Variants in PRDM12 observed in about 807,000 individuals in gnomAD.
The protein encoded by PRDM12 is PR/SET domain 12.
PRDM12 carries 17 observed loss-of-function variants against 29.6 expected under a neutral mutation model. The observed-to-expected ratio is 0.57, with a 90% CI of 0.39 to 0.86. PRDM12 has a LOEUF of 0.86. PRDM12 is among the 40% of genes least tolerant of loss of function. The probability of loss-of-function intolerance (pLI) is 0.00; values close to 1 mark genes in which losing one functional copy is unlikely to be tolerated. For synonymous variants in PRDM12, 231 were observed against 225.8 expected (o/e 1.02, Z -0.21); for missense variants, 422 against 510.8 (o/e 0.83, Z 1.68).
intron 4 of PRDM12, among the ~76,000 whole-genome samples, chr9:130,680,659 A>ATATATATATATATATATTTTTT: frequency 6.9e-5 from 5 of 72,162 alleles, no homozygotes; most frequent in African/African-American, 3.1e-4. Flanking sequence ...ATATATATAT[A>ATATATATATATATATATTTTTT]TTTTTTTTTT....
chr9:130,671,022 T>G (rs934876142), intron 3 of PRDM12, among the ~76,000 whole-genome samples: 3 of 152,144 alleles, frequency 2.0e-5, no homozygotes, highest in Admixed American at 1.3e-4. Context: ...AAAATGGTCA[T>G]CTACATTTGA....
intron 3 of PRDM12, among the ~76,000 whole-genome samples, chr9:130,674,021 T>C (rs971656750): frequency 1.5e-5 from 2 of 131,222 alleles, no homozygotes; most frequent in African/African-American, 5.8e-5. Context: ...TTTTTTTTTT[T>C]TTTTTTTTTT....
chr9:130,664,710 G>T lies in PRDM12; in HGVS notation c.57G>T (p.Ala19=), dbSNP rs779624392. 6.2e-7 allele frequency: 1 copy of T among 1,609,640 alleles called. No individual in the cohort carries two copies. The highest frequency in any genetic ancestry group is 1.3e-5 in the African/African-American group (1 of 74,946). ...TGGTGCTCAAGACCGGGCTGAAGGC[G>T]CCGGGACTGGCGCTGGCCGAGGTTA... is the stretch of plus-strand genomic sequence containing the variant. ...EALVLKTGLK[A]PGLALAEVIT... The change falls in exon 1 of 5, where the codon GCG becomes GCT. Residue 19 remains alanine, a synonymous_variant. Coordinates refer to ENST00000253008, the MANE Select transcript of PRDM12 (RefSeq NM_021619.3). This position sits in a 1 kb window ranked among gnomAD's most constrained non-coding sequence, Gnocchi z 6.4.
chr9:130,678,404 T>C (rs1830862606), intron 3 of PRDM12, 125 bp from the exon 4 acceptor site: 10 of 678,946 alleles, frequency 1.5e-5, no homozygotes, highest in Non-Finnish European at 2.0e-5. Context: ...GAAATGGGAC[T>C]GTGTGGCTTT....
Position 130,666,691 on chromosome 9 carries a change from T to C in PRDM12, c.307T>C (p.Phe103Leu). Residue 103 changes from phenylalanine to leucine, a missense_variant, in exon 2 of 5, where the codon TTC (phenylalanine) becomes CTC (leucine). Phe to Leu is a conservative substitution (Grantham distance 22, BLOSUM62 0). Coordinates refer to ENST00000253008, the MANE Select transcript of PRDM12 (RefSeq NM_021619.3). ...CATCCCTGGCGAGGGCCTCGGCATC[T>C]TCTCCAAGACGTGGATCAAGGCGGG... is the stretch of plus-strand genomic sequence containing the variant. The part of the protein sequence containing the change: ...SSIPGEGLGI[F>L]SKTWIKAGTE... 6.2e-7 allele frequency: 1 copy of C among 1,613,552 alleles called. No individual in the cohort carries two copies. The highest frequency in any genetic ancestry group is 8.5e-7 in the Non-Finnish European group (1 of 1,179,876).
At chr9:130,667,533 T>A (rs2313584) in intron 2 of PRDM12, among the ~76,000 whole-genome samples, 1 of 151,146 alleles carries the variant, frequency 6.6e-6, no homozygotes, top group Non-Finnish European at 1.5e-5. Context: ...CCACTCCAGC[T>A]CCCCCCGGCG....
At chr9:130,674,503 T>TGTGC (rs777376402) in intron 3 of PRDM12, among the ~76,000 whole-genome samples, 44 of 150,954 alleles carry the variant, frequency 2.9e-4, no homozygotes, top group Admixed American at 2.0e-4. Context: ...TGTGTGTGTG[T>TGTGC]GTGTGTGTGT....
Position 130,668,969 on chromosome 9 carries a change from T to C in PRDM12, c.570+656T>C, listed in dbSNP as rs1048150491. On this transcript the variant is annotated intron_variant, in intron 3 of 4. Coordinates refer to ENST00000253008, the MANE Select transcript of PRDM12 (RefSeq NM_021619.3). This position sits in a 1 kb window ranked among gnomAD's most constrained non-coding sequence, Gnocchi z 4.0. Reference sequence around the variant, plus strand: ...TTTGCCGGCCATCTGGGGGGAGTGTTAGCACTAATAGCTGCGCTTCCTGAG... The same window carrying C: ...TTTGCCGGCCATCTGGGGGGAGTGTCAGCACTAATAGCTGCGCTTCCTGAG... Among the ~76,000 whole-genome samples the C allele has an allele frequency of 3.9e-5, 6 of 152,094 alleles. No individual in the cohort carries two copies. The highest frequency in any genetic ancestry group is 1.4e-4 in the African/African-American group (6 of 41,402).
chr9:130,677,790 C>T (rs1252717145), intron 3 of PRDM12, among the ~76,000 whole-genome samples: 1 of 152,200 alleles, frequency 6.6e-6, no homozygotes, highest in African/African-American at 2.4e-5. Context: ...CTGCAAAACC[C>T]TCTGACCAAC....
chr9:130,681,605 TCGCCGCCGCCGCCGCCGC>T lies in PRDM12; in HGVS notation c.1059_1076del (p.Ala354_Ala359del), dbSNP rs752427775. The T allele has an allele frequency of 0.01, 9,891 of 955,234 alleles. 53 individuals are homozygous for T. Among genetic ancestry groups the T allele is most frequent in the Non-Finnish European group, 0.011 (9,071 of 806,668 alleles). 59.2% of individuals were successfully genotyped at this position (955,234 alleles called of 1,614,324 possible). On this transcript the variant is annotated inframe_deletion, in exon 5 of 5. Transcript: ENST00000253008. The surrounding 1 kb of genome is among the most constrained non-coding windows in gnomAD (Gnocchi z 8.1). ...GCCCCGCACGCGCACGCGCCCGCGC[TCGCCGCCGCCGCCGCCGC>T]CGCCGCCGCCGCCGCCGCGCACCAC...
At chr9:130,672,133 C>A (rs1232675574) in intron 3 of PRDM12, among the ~76,000 whole-genome samples, 1 of 152,152 alleles carries the variant, frequency 6.6e-6, no homozygotes, top group Non-Finnish European at 1.5e-5. Context: ...AATGACAGTT[C>A]TAGAAAGTGC....
intron 4 of PRDM12, 135 bp downstream of exon 4, chr9:130,678,775 C>A (rs1223720268): frequency 2.9e-6 from 2 of 687,892 alleles, no homozygotes; most frequent in Non-Finnish European, 4.9e-6. Context: ...CAGCATTGAG[C>A]AGATCAGACA....
At chr9:130,672,564 C>T (rs116836827) in intron 3 of PRDM12, among the ~76,000 whole-genome samples, 3,525 of 152,260 alleles carry the variant, frequency 0.023, 142 homozygotes, top group African/African-American at 0.08. Flanking sequence ...TTTATGACGG[C>T]GAAACTGAAA....
chr9:130,664,722 G>T lies in PRDM12; in HGVS notation c.69G>T (p.Ala23=), dbSNP rs1481511545. Residue 23 remains alanine, a synonymous_variant, in exon 1 of 5, where the codon GCG becomes GCT. Coordinates refer to ENST00000253008, the MANE Select transcript of PRDM12 (RefSeq NM_021619.3). This position sits in a 1 kb window ranked among gnomAD's most constrained non-coding sequence, Gnocchi z 6.4. The part of the protein sequence containing the change: ...LKTGLKAPGL[A]LAEVITSDIL... ...CCGGGCTGAAGGCGCCGGGACTGGCGCTGGCCGAGGTTATCACCTCCGACA... is the reference window on the plus strand; with the variant it reads ...CCGGGCTGAAGGCGCCGGGACTGGCTCTGGCCGAGGTTATCACCTCCGACA... 4 of 1,610,212 alleles carry T rather than the reference G, an allele frequency of 2.5e-6. No homozygotes were observed. Among genetic ancestry groups the T allele is most frequent in the South Asian group, 2.2e-5 (2 of 90,884 alleles).
At chr9:130,666,349 A>G (rs1004574900) in intron 1 of PRDM12, among the ~76,000 whole-genome samples, 1 of 152,156 alleles carries the variant, frequency 6.6e-6, no homozygotes, top group African/African-American at 2.4e-5. Flanking sequence ...GAGAGACTAA[A>G]AACCCACTTC....
At chr9:130,667,531 G>GCCC (rs5900904) in intron 2 of PRDM12, among the ~76,000 whole-genome samples, 97 of 151,148 alleles carry the variant, frequency 6.4e-4, no homozygotes, top group African/African-American at 1.1e-3. Flanking sequence ...CCCCACTCCA[G>GCCC]CTCCCCCCGG....
chr9:130,667,535 C>CCA (rs1554752084), intron 2 of PRDM12, among the ~76,000 whole-genome samples: 3 of 151,958 alleles, frequency 2.0e-5, no homozygotes, highest in Non-Finnish European at 2.9e-5. Context: ...ACTCCAGCTC[C>CCA]CCCCGGCGGA....
intron 2 of PRDM12, 125 bp downstream of exon 2, chr9:130,666,923 A>ACGCC: frequency 1.6e-6 from 2 of 1,287,300 alleles, no homozygotes; most frequent in Non-Finnish European, 2.1e-6. Context: ...CCTGGCCTGG[A>ACGCC]CGCCCCCTGA....
rs897011879 is a variant in PRDM12 at position 130,674,170 on chromosome 9, A to G, written c.571-4359A>G. On this transcript the variant is annotated intron_variant, in intron 3 of 4. Transcript: ENST00000253008. ...GCTGGGACTACAGGTACATGCCACC[A>G]TACCCAGCTAATTTTTGTATTTTTA... is the stretch of plus-strand genomic sequence containing the variant. Among the ~76,000 whole-genome samples the G allele has an allele frequency of 2.0e-5, 3 of 151,552 alleles. No individual in the cohort carries two copies. In the South Asian group the frequency reaches 6.3e-4, roughly 32 times the overall value.
Sources: gnomAD v4.1 joint callset for allele counts (sites outside exome capture counted in the v4.1 genomes callset) on GRCh38, gnomAD v4.1.1 for gene constraint, Gnocchi (gnomAD v3.1) non-coding constraint, MANE v1.5 for transcripts, NCBI Gene and HGNC (gene_info 2026-07-23, HGNC 2026-07-21) for gene names.